Variants in SYT1 observed in about 807,000 individuals in gnomAD.
The protein encoded by SYT1 is synaptotagmin-1.
SYT1 carries 8 observed loss-of-function variants against 44.8 expected under a neutral mutation model. The ratio of observed to expected loss-of-function variants is 0.18; its 90% CI spans 0.10 to 0.32. The LOEUF is 0.32. Ranked by LOEUF, SYT1 falls within the 10% of genes least tolerant of loss-of-function variation. SYT1 has a pLI of 1.00. For missense variants in SYT1, 286 were observed against 509.3 expected, an observed-to-expected ratio of 0.56 and a Z score of 4.22; for synonymous variants, 154 against 188.8, an observed-to-expected ratio of 0.82 and a Z score of 1.51.
intron 3 of SYT1, among the ~76,000 whole-genome samples, chr12:79,186,515 C>A (rs1486869489): frequency 1.3e-5 from 2 of 151,968 alleles, no homozygotes; most frequent in Non-Finnish European, 2.9e-5. Context: ...GTCTAGAAAG[C>A]AAATTGAACT....
chr12:78,920,251 C>T (rs1007618663), intron 1 of SYT1, among the ~76,000 whole-genome samples: 6 of 151,800 alleles, frequency 4.0e-5, no homozygotes, highest in African/African-American at 1.5e-4. Flanking sequence ...GAAATAATAA[C>T]ATTTGATAGG....
chr12:79,049,177 T>C (rs1874288833), intron 3 of SYT1, among the ~76,000 whole-genome samples: 1 of 151,922 alleles, frequency 6.6e-6, no homozygotes, highest in Admixed American at 6.6e-5. Context: ...AGTTATTTGA[T>C]CTATTGTTCA....
At chr12:79,263,775 A>T (rs925011524) in intron 4 of SYT1, among the ~76,000 whole-genome samples, 1 of 152,112 alleles carries the variant, frequency 6.6e-6, no homozygotes, top group Non-Finnish European at 1.5e-5. Flanking sequence ...ATTTTACTAA[A>T]TCATATTAAA....
At chr12:79,051,520 T>C (rs1874490357) in intron 3 of SYT1, among the ~76,000 whole-genome samples, 1 of 151,506 alleles carries the variant, frequency 6.6e-6, no homozygotes, top group Non-Finnish European at 1.5e-5. Context: ...CATTAAGTTT[T>C]CATGTGCAGC....
intron 2 of SYT1, among the ~76,000 whole-genome samples, chr12:79,002,881 C>T (rs550296658): frequency 9.9e-5 from 15 of 152,098 alleles, no homozygotes; most frequent in Admixed American, 2.0e-4. Context: ...ATCAGTATGT[C>T]GTTTCCTTTT....
At chr12:79,148,050 A>G (rs992619812) in intron 3 of SYT1, among the ~76,000 whole-genome samples, 1 of 152,248 alleles carries the variant, frequency 6.6e-6, no homozygotes, top group Non-Finnish European at 1.5e-5. Context: ...CTAAGCAAAT[A>G]AAATCTCACG....
At chr12:79,395,979 CA>C (rs1884855378) in intron 9 of SYT1, among the ~76,000 whole-genome samples, 3 of 152,098 alleles carry the variant, frequency 2.0e-5, no homozygotes, top group Admixed American at 2.0e-4. Flanking sequence ...ACTATGGCTG[CA>C]ATATACCCAA....
chr12:79,198,516 G>T (rs1003210901), intron 3 of SYT1, among the ~76,000 whole-genome samples: 1 of 151,258 alleles, frequency 6.6e-6, no homozygotes, highest in Non-Finnish European at 1.5e-5. Flanking sequence ...GCAATACACA[G>T]AAAACAAGTA....
intron 5 of SYT1, among the ~76,000 whole-genome samples, chr12:79,287,133 A>C (rs923502143): frequency 2.0e-5 from 3 of 152,124 alleles, no homozygotes; most frequent in African/African-American, 4.8e-5. Context: ...CCTCAAAGAC[A>C]CTATAGTATC....
intron 7 of SYT1, among the ~76,000 whole-genome samples, chr12:79,297,373 A>G (rs1879925978): frequency 6.6e-6 from 1 of 152,188 alleles, no homozygotes; most frequent in Admixed American, 6.6e-5. Context: ...AAATGGAAAT[A>G]AAATTTTAAA....
chr12:78,993,017 G>A (rs1284318018), intron 2 of SYT1, among the ~76,000 whole-genome samples: 1 of 152,064 alleles, frequency 6.6e-6, no homozygotes. Context: ...CTTGCTCTTT[G>A]GCATTTTTTT....
chr12:78,966,668 A>T (rs1868257617), intron 1 of SYT1, among the ~76,000 whole-genome samples: 1 of 152,212 alleles, frequency 6.6e-6, no homozygotes, highest in Non-Finnish European at 1.5e-5. Flanking sequence ...CCTCAGCCTG[A>T]ACCCAGGAGC....
At chr12:79,258,867 C>T (rs1206778970) in intron 4 of SYT1, among the ~76,000 whole-genome samples, 1 of 151,992 alleles carries the variant, frequency 6.6e-6, no homozygotes, top group East Asian at 1.9e-4. Context: ...TAAAGAAGTC[C>T]ATGAGGTAAT....
chr12:79,446,015 A>ATATG, intron 10 of SYT1, among the ~76,000 whole-genome samples: 1 of 113,586 alleles, frequency 8.8e-6, no homozygotes, highest in African/African-American at 3.4e-5. Flanking sequence ...ATATATATAT[A>ATATG]TATATATATA....
At chr12:79,245,495 G>GA (rs1876794390) in intron 4 of SYT1, among the ~76,000 whole-genome samples, 1 of 118,562 alleles carries the variant, frequency 8.4e-6, no homozygotes, top group African/African-American at 3.2e-5. Flanking sequence ...AAAAAGAAAA[G>GA]AAAAAAGAAA....
At chr12:78,931,377 GAAGGAAGGAAGGAAGGAAGGGA>G (rs1877725773) in intron 1 of SYT1, among the ~76,000 whole-genome samples, 1 of 110,898 alleles carries the variant, frequency 9.0e-6, no homozygotes, top group Non-Finnish European at 1.8e-5. Flanking sequence ...AGGAAGGAAG[GAAGGAAGGAAGGAAGGAAGGGA>G]GGAGAGAGGA....
chr12:79,195,551 G>C (rs1054158077), intron 3 of SYT1, among the ~76,000 whole-genome samples: 2 of 151,352 alleles, frequency 1.3e-5, no homozygotes, highest in Non-Finnish European at 2.9e-5. Flanking sequence ...ATGAGCTGGG[G>C]TTGGAGAGTT....
At chr12:79,228,813 C>T (rs1436909687) in intron 4 of SYT1, among the ~76,000 whole-genome samples, 1 of 152,178 alleles carries the variant, frequency 6.6e-6, no homozygotes, top group African/African-American at 2.4e-5. Context: ...CACTGTCTCC[C>T]CTCATGATTT....
intron 1 of SYT1, among the ~76,000 whole-genome samples, chr12:78,908,253 C>G (rs907392197): frequency 1.6e-4 from 25 of 151,922 alleles, no homozygotes; most frequent in African/African-American, 5.8e-4. Flanking sequence ...CATGAAAATC[C>G]TACTCATTCA....
Sources: allele counts gnomAD v4.1 joint callset (sites outside exome capture counted in the v4.1 genomes callset), GRCh38; gene constraint gnomAD v4.1.1; transcripts MANE v1.5; gene names NCBI Gene and HGNC (gene_info 2026-07-23, HGNC 2026-07-21).